MEIKIN: variants seen among roughly 807,000 people sequenced by gnomAD.
MEIKIN encodes the protein meiosis-specific kinetochore protein.
chr5:131,832,773 T>A (rs1273650519), intron 11 of MEIKIN, among the ~76,000 whole-genome samples: 4 of 152,384 alleles, frequency 2.6e-5, no homozygotes, highest in Admixed American at 6.5e-5. Flanking sequence ...GCTTGAGGCT[T>A]GCATCATCTG....
At chr5:131,924,759 C>A (rs494349) in intron 5 of MEIKIN, among the ~76,000 whole-genome samples, 54,469 of 151,862 alleles carry the variant, frequency 0.36, 11,629 homozygotes, top group African/African-American at 0.6. Context: ...ATGATTTATA[C>A]ATATTTCCTT....
intron 6 of MEIKIN, among the ~76,000 whole-genome samples, chr5:131,921,234 G>A (rs938191486): frequency 1.3e-5 from 2 of 152,212 alleles, no homozygotes; most frequent in Non-Finnish European, 2.9e-5. Context: ...ATAAAAGACT[G>A]AGTGCAATGG....
intron 8 of MEIKIN, among the ~76,000 whole-genome samples, chr5:131,892,892 T>G (rs1750956554): frequency 1.3e-5 from 2 of 152,192 alleles, no homozygotes; most frequent in Admixed American, 1.3e-4. Flanking sequence ...GATGGGTTTT[T>G]GGTGCGGATG....
intron 3 of MEIKIN, among the ~76,000 whole-genome samples, chr5:131,944,022 G>A (rs1011662888): frequency 2.0e-5 from 3 of 151,168 alleles, no homozygotes; most frequent in South Asian, 2.1e-4. Context: ...CAGGAGAATC[G>A]CTTGAACCCG....
intron 8 of MEIKIN, among the ~76,000 whole-genome samples, chr5:131,885,035 C>T (rs763097211): frequency 1.3e-5 from 2 of 152,270 alleles, no homozygotes; most frequent in Non-Finnish European, 2.9e-5. Context: ...AAGTAAACTG[C>T]TAAGGGTTTT....
chr5:131,861,814 G>A (rs559088949), intron 9 of MEIKIN, among the ~76,000 whole-genome samples: 2 of 152,090 alleles, frequency 1.3e-5, no homozygotes, highest in Non-Finnish European at 2.9e-5. Context: ...CTTAATCAGG[G>A]TGTTTTATCT....
intron 4 of MEIKIN, among the ~76,000 whole-genome samples, chr5:131,935,267 CAAAAAAAA>C (rs749135114): frequency 2.7e-5 from 1 of 36,652 alleles, no homozygotes; most frequent in African/African-American, 9.5e-5. Flanking sequence ...CCCGTCTCTA[CAAAAAAAA>C]AAAAAAAAAA....
At chr5:131,871,665 C>T (rs61256039) in intron 9 of MEIKIN, among the ~76,000 whole-genome samples, 28,596 of 152,112 alleles carry the variant, frequency 0.19, 3,586 homozygotes, top group South Asian at 0.43. Context: ...TCTCCCAGCA[C>T]GCAGCTTGAG....
intron 5 of MEIKIN, among the ~76,000 whole-genome samples, chr5:131,927,953 G>A (rs925092817): frequency 1.3e-5 from 2 of 151,880 alleles, no homozygotes; most frequent in Admixed American, 6.6e-5. Flanking sequence ...AGACCATCCT[G>A]GCTAACACGG....
intron 11 of MEIKIN, among the ~76,000 whole-genome samples, chr5:131,826,489 T>C (rs369171762): frequency 2.0e-5 from 3 of 152,284 alleles, no homozygotes; most frequent in East Asian, 1.9e-4. Flanking sequence ...AGTTGAGTTA[T>C]TGTTCATTTT....
chr5:131,926,819 A>G (rs781513219), intron 5 of MEIKIN, among the ~76,000 whole-genome samples: 1 of 152,248 alleles, frequency 6.6e-6, no homozygotes, highest in Non-Finnish European at 1.5e-5. Flanking sequence ...ATAATTGGGC[A>G]TGGTAGTCTC....
At chr5:131,885,522 A>G (rs1375813540) in intron 8 of MEIKIN, among the ~76,000 whole-genome samples, 1 of 152,218 alleles carries the variant, frequency 6.6e-6, no homozygotes, top group Non-Finnish European at 1.5e-5. Flanking sequence ...ATCTAAGACC[A>G]CCAAGGTGGT....
chr5:131,864,139 G>C (rs1173401262), intron 9 of MEIKIN, among the ~76,000 whole-genome samples: 1 of 152,100 alleles, frequency 6.6e-6, no homozygotes, highest in Non-Finnish European at 1.5e-5. Flanking sequence ...CTTTTAAGTA[G>C]AGAATTTAAT....
chr5:131,903,125 C>T (rs936949550), intron 8 of MEIKIN, among the ~76,000 whole-genome samples: 8 of 151,976 alleles, frequency 5.3e-5, no homozygotes, highest in African/African-American at 1.9e-4. Context: ...AAAGAATGAA[C>T]AAAACCTCCA....
intron 6 of MEIKIN, among the ~76,000 whole-genome samples, chr5:131,918,081 G>C (rs530041873): frequency 4.6e-5 from 7 of 152,170 alleles, no homozygotes; most frequent in Non-Finnish European, 7.3e-5. Context: ...AGTTCAAATT[G>C]TTGGGAAAGA....
rs535853234 is a variant in MEIKIN, at chr5:131,807,105, GAT to G, written c.*129_*130del. The G allele has an allele frequency of 1.7e-3, 692 of 395,444 alleles. 4 individuals carry two copies. The highest frequency in any genetic ancestry group is 0.013 in the African/African-American group (627 of 48,638). The allele number at this position is 395,444 out of a possible 1,614,324, so 24.5% of individuals were successfully genotyped here. Reference sequence around the variant, plus strand: ...AACCTCAGTAGAATTTCAACATAGAGATATATCACAAATAACTGGAGAATTTT... The same window carrying G: ...AACCTCAGTAGAATTTCAACATAGAGATATCACAAATAACTGGAGAATTTT... On this transcript the variant is annotated 3_prime_UTR_variant, in exon 13 of 13. Transcript: ENST00000442687.
At chr5:131,878,611 TG>T (rs1415866201) in intron 9 of MEIKIN, among the ~76,000 whole-genome samples, 2 of 152,124 alleles carry the variant, frequency 1.3e-5, no homozygotes, top group Non-Finnish European at 2.9e-5. Flanking sequence ...GGCTCATGCC[TG>T]TAATTCCAGG....
At chr5:131,813,394 T>C (rs1443057330) in intron 12 of MEIKIN, among the ~76,000 whole-genome samples, 1 of 151,934 alleles carries the variant, frequency 6.6e-6, no homozygotes, top group Non-Finnish European at 1.5e-5. Context: ...GTGTGCTTTG[T>C]TGAAAGGAGA....
In MEIKIN at chr5:131,882,495, C is replaced by T. The variant is rs73788788; in HGVS notation, c.704-3447G>A. ...TATATTTAGATTATTTTCCATCTTA[C>T]TACAACATATATGAATATCCTAAAA... On this transcript the variant is annotated intron_variant, in intron 8 of 12. Coordinates refer to ENST00000442687, the MANE Select transcript of MEIKIN (RefSeq NM_001303622.2). Among the ~76,000 whole-genome samples, 438 of 152,262 alleles carry T rather than the reference C, an allele frequency of 2.9e-3. 1 individual carries two copies. The highest frequency in any genetic ancestry group is 9.6e-3 in the African/African-American group (399 of 41,524).
Sources: allele counts gnomAD v4.1 joint callset (sites outside exome capture counted in the v4.1 genomes callset), GRCh38; gene constraint gnomAD v4.1.1; transcripts MANE v1.5; gene names NCBI Gene and HGNC (gene_info 2026-07-23, HGNC 2026-07-21).